Variants in LTBP1 observed in about 807,000 individuals in gnomAD.
LTBP1 encodes latent transforming growth factor beta binding protein 1.
Under a neutral mutation model 207.6 loss-of-function variants are expected in LTBP1, and 129 were observed. The observed-to-expected ratio is 0.62, with a 90% confidence interval of 0.54 to 0.72. The LOEUF (loss-of-function observed/expected upper bound fraction) is 0.72, where lower values mean the gene tolerates loss of function less well. Ranked by LOEUF, LTBP1 falls within the 30% of genes least tolerant of loss-of-function variation. LTBP1 has a pLI of 0.00. For synonymous variants in LTBP1, 963 were observed against 833.7 expected, an observed-to-expected ratio of 1.16 and a Z score of -2.67; for missense variants, 2,281 against 2,217.2, an observed-to-expected ratio of 1.03 and a Z score of -0.58.
At chr2:33,057,607 G>A (rs1203740443) in intron 3 of LTBP1, among the ~76,000 whole-genome samples, 1 of 152,232 alleles carries the variant, frequency 6.6e-6, no homozygotes, top group African/African-American at 2.4e-5. Flanking sequence ...GAGAAATAGA[G>A]CACAGAGCTG....
intron 5 of LTBP1, among the ~76,000 whole-genome samples, chr2:33,174,483 A>ACC (rs1462407662): frequency 1.3e-5 from 2 of 152,026 alleles, no homozygotes; most frequent in Non-Finnish European, 2.9e-5. Context: ...AGAACTACAA[A>ACC]CCACTGCTCA....
intron 3 of LTBP1, among the ~76,000 whole-genome samples, chr2:33,098,730 C>T (rs1054919272): frequency 6.6e-6 from 1 of 152,136 alleles, no homozygotes; most frequent in African/African-American, 2.4e-5. Flanking sequence ...TGAGCCACCG[C>T]GCCTGGCCCA....
At chr2:33,327,351 A>T (rs1167697931) in intron 24 of LTBP1, among the ~76,000 whole-genome samples, 2 of 152,238 alleles carry the variant, frequency 1.3e-5, no homozygotes, top group Admixed American at 6.5e-5. Flanking sequence ...TCTTCTGAAT[A>T]TATAACAATG....
At chr2:33,125,772 G>A (rs553925586) in intron 4 of LTBP1, among the ~76,000 whole-genome samples, 1 of 150,886 alleles carries the variant, frequency 6.6e-6, no homozygotes, top group African/African-American at 2.4e-5. Context: ...GGAGGTTGCA[G>A]TGAGCCGAGA....
intron 2 of LTBP1, among the ~76,000 whole-genome samples, chr2:33,011,545 G>C (rs977286569): frequency 6.6e-6 from 1 of 151,994 alleles, no homozygotes; most frequent in African/African-American, 2.4e-5. Flanking sequence ...AAGTCACAGG[G>C]AGAAGACGGC....
At chr2:33,143,949 T>C (rs1350118921) in intron 5 of LTBP1, among the ~76,000 whole-genome samples, 1 of 152,102 alleles carries the variant, frequency 6.6e-6, no homozygotes, top group Admixed American at 6.6e-5. Context: ...TCATATGATA[T>C]CCTAACCTTC....
At chr2:33,217,677 T>C in intron 8 of LTBP1, 23 bp downstream of exon 8, 1 of 1,543,558 alleles carries the variant, frequency 6.5e-7, no homozygotes, top group Non-Finnish European at 8.9e-7. Context: ...TCCTCACTCC[T>C]TTGCAGGTTA....
At chr2:33,003,721 TGTA>T (rs1281800104) in intron 2 of LTBP1, among the ~76,000 whole-genome samples, 1 of 152,140 alleles carries the variant, frequency 6.6e-6, no homozygotes, top group Non-Finnish European at 1.5e-5. Context: ...GCATGAAAGT[TGTA>T]AGAATCAGAA....
intron 2 of LTBP1, among the ~76,000 whole-genome samples, chr2:32,962,614 T>G (rs924872538): frequency 6.6e-6 from 1 of 152,262 alleles, no homozygotes; most frequent in Non-Finnish European, 1.5e-5. Flanking sequence ...TAAATGGTTC[T>G]TTTTGTTTTA....
intron 24 of LTBP1, among the ~76,000 whole-genome samples, chr2:33,318,242 A>G (rs780516235): frequency 2.0e-5 from 3 of 152,184 alleles, no homozygotes; most frequent in Non-Finnish European, 2.9e-5. Context: ...TAGCTGGGAG[A>G]GGAAGGAGAA....
chr2:33,177,200 A>G (rs1309119384), intron 5 of LTBP1, among the ~76,000 whole-genome samples: 1 of 152,192 alleles, frequency 6.6e-6, no homozygotes, highest in African/African-American at 2.4e-5. Context: ...TAATCGACTC[A>G]TGTTATATTT....
intron 7 of LTBP1, among the ~76,000 whole-genome samples, chr2:33,202,024 C>CACACACACAG (rs1318054587): frequency 0.022 from 931 of 42,284 alleles, 13 homozygotes; most frequent in African/African-American, 0.051. Flanking sequence ...AGCACTGGAA[C>CACACACACAG]ACACACACAC....
At chr2:33,214,607 C>T (rs1018945634) in intron 7 of LTBP1, among the ~76,000 whole-genome samples, 31 of 152,164 alleles carry the variant, frequency 2.0e-4, no homozygotes, top group Admixed American at 2.0e-3. Context: ...CCTCACTGCA[C>T]GTGGTTAAAC....
chr2:33,392,653 G>A (rs1574144200), intron 32 of LTBP1, among the ~76,000 whole-genome samples: 2 of 152,200 alleles, frequency 1.3e-5, no homozygotes, highest in Non-Finnish European at 2.9e-5. Flanking sequence ...AGACTGTAGT[G>A]TCCTGACCTG....
rs149125778 is a variant in LTBP1, at chr2:33,065,426, C to T, written c.863+44220C>T. On this transcript the variant is annotated intron_variant, in intron 3 of 33. Transcript: ENST00000404816. ...AATATTAGCTGGGTGTGGTGGTGCA[C>T]GCCTGTAGCCCAAGCTACTCAGGAG... Among the ~76,000 whole-genome samples the T allele has an allele frequency of 7.1e-3, 1,085 of 152,094 alleles. 8 individuals are homozygous for T. The highest frequency in any genetic ancestry group is 0.011 in the Non-Finnish European group (781 of 67,990).
intron 4 of LTBP1, among the ~76,000 whole-genome samples, chr2:33,110,998 A>T (rs568507256): frequency 9.0e-4 from 137 of 152,328 alleles, no homozygotes; most frequent in African/African-American, 3.2e-3. Context: ...CTGTTTCTGC[A>T]ATATGGCTTC....
intron 9 of LTBP1, among the ~76,000 whole-genome samples, chr2:33,243,102 C>T (rs2092391794): frequency 2.0e-5 from 3 of 152,182 alleles, no homozygotes; most frequent in African/African-American, 2.4e-5. Flanking sequence ...CCCATCCATC[C>T]AGCTCCTGCC....
chr2:33,268,314 G>C (rs550477016), intron 15 of LTBP1, among the ~76,000 whole-genome samples: 1 of 152,306 alleles, frequency 6.6e-6, no homozygotes, highest in African/African-American at 2.4e-5. Flanking sequence ...CTAAAACACA[G>C]AGGAGGTAAA....
At chr2:33,249,182 A>G (rs757408302) in intron 10 of LTBP1, among the ~76,000 whole-genome samples, 5 of 152,162 alleles carry the variant, frequency 3.3e-5, no homozygotes, top group Non-Finnish European at 5.9e-5. Flanking sequence ...AACTTCTTCT[A>G]AGTACCAGAT....
Sources: allele counts gnomAD v4.1 joint callset (sites outside exome capture counted in the v4.1 genomes callset), GRCh38; gene constraint gnomAD v4.1.1; transcripts MANE v1.5; gene names NCBI Gene and HGNC (gene_info 2026-07-23, HGNC 2026-07-21).